The following TMED5 variants were observed in gnomAD, a reference collection of about 807,000 sequenced individuals.
The protein encoded by TMED5 is transmembrane emp24 domain-containing protein 5.
A neutral mutation model predicts 23.0 loss-of-function variants in TMED5; 27 were observed. The ratio of observed to expected loss-of-function variants is 1.17; its 90% confidence interval spans 0.86 to 1.62. The LOEUF (loss-of-function observed/expected upper bound fraction) is 1.62, where lower values mean the gene tolerates loss of function less well. Ranked by LOEUF, TMED5 falls within the 40% of genes most tolerant of loss-of-function variation. TMED5 has a pLI of 0.00. For synonymous variants in TMED5, 97 were observed against 100.8 expected, an observed-to-expected ratio of 0.96 and a Z score of 0.23; for missense variants, 248 against 273.7, an observed-to-expected ratio of 0.91 and a Z score of 0.66.
rs1648073116 is a variant in TMED5, at chr1:93,156,340, G to A, written c.431C>T (p.Thr144Ile). 6.2e-7 allele frequency: 1 copy of A among 1,613,722 alleles called. No individual in the cohort carries two copies. The highest frequency in any genetic ancestry group is 8.5e-7 in the Non-Finnish European group (1 of 1,179,746). The stretch of plus-strand genomic sequence containing the variant: ...TTTCATATCCAATATATCTGTGCCA[G>A]TAATATATTTCTTCCAATCTTCTTG... ...QEQEDWKKYI[T>I]GTDILDMKLE... The change falls in exon 3 of 4, where the codon ACT becomes ATT. Residue 144 changes from threonine to isoleucine, a missense_variant. By Grantham distance (89) the Thr-to-Ile change is moderately conservative. Coordinates refer to ENST00000370282, the MANE Select transcript of TMED5 (RefSeq NM_016040.5).
chr1:93,169,919 A>ACACACACACACACAC (rs1557576991), intron 1 of TMED5, among the ~76,000 whole-genome samples: 3 of 150,964 alleles, frequency 2.0e-5, no homozygotes, highest in African/African-American at 4.9e-5. Flanking sequence ...ACACACACAC[A>ACACACACACACACAC]AAATTAGGCA....
chr1:93,164,236 C>G (rs1429815388), intron 1 of TMED5, among the ~76,000 whole-genome samples: 2 of 152,022 alleles, frequency 1.3e-5, no homozygotes, highest in Non-Finnish European at 2.9e-5. Context: ...ATCTTTCCAA[C>G]TACATAGCAA....
At chr1:93,173,941 A>G (rs1648817944) in intron 1 of TMED5, among the ~76,000 whole-genome samples, 1 of 152,072 alleles carries the variant, frequency 6.6e-6, no homozygotes, top group African/African-American at 2.4e-5. Context: ...GGCATTCAAT[A>G]GAGTTACAAA....
chr1:93,167,618 C>G (rs1212022927), intron 1 of TMED5, among the ~76,000 whole-genome samples: 1 of 152,128 alleles, frequency 6.6e-6, no homozygotes, highest in Admixed American at 6.5e-5. Flanking sequence ...CCTGCAACTT[C>G]ACTATATTTG....
At position 93,154,562 on chromosome 1, in the gene TMED5, T is replaced by C. The variant is rs1471826308; in HGVS notation, c.*108A>G. On this transcript the variant is annotated 3_prime_UTR_variant, in exon 4 of 4. Transcript: ENST00000370282. ...CATTAAAATTATACCTGTTTCCTACTTTTATATCTCAAAATATTTTGGAGA... is the reference window on the plus strand; with the variant it reads ...CATTAAAATTATACCTGTTTCCTACCTTTATATCTCAAAATATTTTGGAGA... 1 of 737,258 alleles carries C rather than the reference T, an allele frequency of 1.4e-6. No individual in the cohort carries two copies. The highest frequency in any genetic ancestry group is 2.7e-5 in the East Asian group (1 of 36,970). The allele number at this position is 737,258 out of a possible 1,614,324, so 45.7% of individuals were successfully genotyped here. A position where few individuals can be genotyped will look rare whatever the true frequency, so the allele number is the denominator to read the frequency against.
chr1:93,153,039 C>G lies in TMED5; in HGVS notation c.*1631G>C, dbSNP rs928004851. 2 of 152,530 alleles carry G rather than the reference C, an allele frequency of 1.3e-5. No individual in the cohort carries two copies. Among genetic ancestry groups the G allele is most frequent in the Non-Finnish European group, 2.9e-5 (2 of 68,008 alleles). The allele number at this position is 152,530 out of a possible 1,614,324, so 9.4% of individuals were successfully genotyped here. ...TACTATGAGTGTAAATGAAATCACTCTCTGGTTATCATTATTGCTCATCAA... is the reference window on the plus strand; with the variant it reads ...TACTATGAGTGTAAATGAAATCACTGTCTGGTTATCATTATTGCTCATCAA... On this transcript the variant is annotated 3_prime_UTR_variant, in exon 4 of 4. Coordinates refer to ENST00000370282, the MANE Select transcript of TMED5 (RefSeq NM_016040.5).
At chr1:93,167,559 A>G (rs1379187738) in intron 1 of TMED5, among the ~76,000 whole-genome samples, 1 of 152,040 alleles carries the variant, frequency 6.6e-6, no homozygotes, top group Non-Finnish European at 1.5e-5. Flanking sequence ...CAGATTGTTC[A>G]CTGTTGGCAT....
intron 3 of TMED5, chr1:93,156,008 T>A: frequency 2.3e-6 from 3 of 1,286,156 alleles, no homozygotes; most frequent in Middle Eastern, 1.9e-4. Flanking sequence ...TTAAAAATTC[T>A]AACTGCACAT....
chr1:93,161,065 C>A (rs1648258046), intron 1 of TMED5: 1 of 152,098 alleles, frequency 6.6e-6, no homozygotes, highest in Admixed American at 6.5e-5. Context: ...ACAATCTATC[C>A]ATTTGTAATT....
chr1:93,173,553 G>T (rs1648800709), intron 1 of TMED5, among the ~76,000 whole-genome samples: 1 of 152,162 alleles, frequency 6.6e-6, no homozygotes, highest in African/African-American at 2.4e-5. Flanking sequence ...CTGACAGGAA[G>T]CTTCAACAGC....
intron 1 of TMED5, among the ~76,000 whole-genome samples, chr1:93,177,777 G>A (rs978980620): frequency 1.6e-4 from 25 of 152,044 alleles, no homozygotes; most frequent in African/African-American, 5.8e-4. Context: ...CACTGAATAT[G>A]AGCATTTATT....
At chr1:93,156,044 A>T in intron 3 of TMED5, 2 of 1,460,682 alleles carry the variant, frequency 1.4e-6, no homozygotes, top group Non-Finnish European at 1.8e-6. Flanking sequence ...ACCAAGATGC[A>T]GTCTTATTTG....
At chr1:93,176,404 CAT>C (rs1022407838) in intron 1 of TMED5, among the ~76,000 whole-genome samples, 5 of 152,118 alleles carry the variant, frequency 3.3e-5, no homozygotes, top group African/African-American at 1.2e-4. Context: ...TGAGCCCACT[CAT>C]AGTCTTATGA....
chr1:93,174,841 A>G (rs1648849844), intron 1 of TMED5, among the ~76,000 whole-genome samples: 1 of 152,108 alleles, frequency 6.6e-6, no homozygotes, highest in Admixed American at 6.5e-5. Flanking sequence ...TTATGGCTGC[A>G]TAGTATTTCA....
chr1:93,155,003 C>A, intron 3 of TMED5, 115 bp from the exon 4 acceptor site: 1 of 745,178 alleles, frequency 1.3e-6, no homozygotes, highest in Non-Finnish European at 2.2e-6. Context: ...CTTTGGGAGA[C>A]TAGGGCAGGA....
chr1:93,179,970 A>C, intron 1 of TMED5, 84 bp downstream of exon 1: 3 of 1,417,752 alleles, frequency 2.1e-6, no homozygotes, highest in Non-Finnish European at 2.9e-6. Flanking sequence ...AGGGCCGTCC[A>C]CCAGAAGTTT....
rs986273013 is a variant in TMED5 at position 93,171,325 on chromosome 1, G to A, written c.189+8729C>T. Among the ~76,000 whole-genome samples, 20 of 152,066 alleles carry A rather than the reference G, an allele frequency of 1.3e-4. 1 individual carries two copies. The highest frequency in any genetic ancestry group is 9.7e-5 in the African/African-American group (4 of 41,390). On this transcript the variant is annotated intron_variant, in intron 1 of 3. Coordinates refer to ENST00000370282, the MANE Select transcript of TMED5 (RefSeq NM_016040.5). ...ATCAGAAGGAACAAACTCCGGACAC[G>A]CTGCCTTTAAGAACTGTAACACTCA...
chr1:93,155,738 G>C (rs1322757063), intron 3 of TMED5, among the ~76,000 whole-genome samples: 1 of 151,960 alleles, frequency 6.6e-6, no homozygotes, highest in Non-Finnish European at 1.5e-5. Flanking sequence ...CTAACCTTCT[G>C]AGTAGCTGGG....
At chr1:93,163,343 A>G (rs1648354528) in intron 1 of TMED5, 1 of 149,728 alleles carries the variant, frequency 6.7e-6, no homozygotes, top group Non-Finnish European at 1.5e-5. Flanking sequence ...ATCATAAAAT[A>G]TACTTTTTTT....
Sources: allele counts gnomAD v4.1 joint callset (sites outside exome capture counted in the v4.1 genomes callset), GRCh38; gene constraint gnomAD v4.1.1; transcripts MANE v1.5; gene names NCBI Gene and HGNC (gene_info 2026-07-23, HGNC 2026-07-21).